PTPRR: variants seen among roughly 807,000 people sequenced by gnomAD.
PTPRR encodes receptor-type tyrosine-protein phosphatase R.
A neutral mutation model predicts 77.2 loss-of-function variants in PTPRR; 38 were observed. The ratio of observed to expected loss-of-function variants is 0.49; its 90% CI spans 0.38 to 0.65. PTPRR has a LOEUF of 0.65. PTPRR is among the 30% of genes least tolerant of loss of function. The pLI is 0.00. For missense variants in PTPRR, 744 were observed against 799.2 expected, an observed-to-expected ratio of 0.93 and a Z score of 0.83; for synonymous variants, 299 against 283.1, an observed-to-expected ratio of 1.06 and a Z score of -0.57.
chr12:70,722,937 A>G (rs554719481), intron 6 of PTPRR, among the ~76,000 whole-genome samples: 1 of 152,352 alleles, frequency 6.6e-6, no homozygotes, highest in Admixed American at 6.5e-5. Flanking sequence ...AGTCCCTGAA[A>G]AAGATTCTTG....
chr12:70,799,936 G>C (rs987862369), intron 2 of PTPRR, among the ~76,000 whole-genome samples: 2 of 151,958 alleles, frequency 1.3e-5, no homozygotes, highest in African/African-American at 4.8e-5. Context: ...ATATTATAAC[G>C]GTGATTCAGA....
At chr12:70,909,100 G>A (rs752705771) in intron 1 of PTPRR, among the ~76,000 whole-genome samples, 19 of 152,142 alleles carry the variant, frequency 1.2e-4, no homozygotes, top group South Asian at 4.1e-4. Flanking sequence ...CCTGAGGGGC[G>A]CTGCCAGCAG....
intron 6 of PTPRR, among the ~76,000 whole-genome samples, chr12:70,723,212 A>C (rs1412837077): frequency 6.6e-6 from 1 of 152,208 alleles, no homozygotes; most frequent in Non-Finnish European, 1.5e-5. Context: ...ACAAGTTAAA[A>C]ACCAGTAGCA....
At chr12:70,754,479 T>C (rs1890507038) in intron 4 of PTPRR, 178 bp from the exon 5 acceptor site, 12 of 1,558,544 alleles carry the variant, frequency 7.7e-6, no homozygotes, top group Admixed American at 4.0e-5. Flanking sequence ...GCCATCCTTA[T>C]ATATCGAGAT....
In PTPRR at chr12:70,823,108, G is replaced by GACACACACACACAC. The variant is rs58549756; in HGVS notation, c.358-58344_358-58331dup. Among the ~76,000 whole-genome samples, 110 of 139,670 alleles carry GACACACACACACAC rather than the reference G, an allele frequency of 7.9e-4. 2 individuals carry two copies. Among genetic ancestry groups the GACACACACACACAC allele is most frequent in the African/African-American group, 2.3e-3 (82 of 36,080 alleles). 91.6% of individuals were successfully genotyped at this position (139,670 alleles called of 152,430 possible). The stretch of plus-strand genomic sequence containing the variant: ...CTTCTCTCTTGCTGTCTCTCTCTCT[G>GACACACACACACAC]ACACACACACACACACACACACACA... On this transcript the variant is annotated intron_variant, in intron 2 of 13. Coordinates refer to ENST00000283228, the MANE Select transcript of PTPRR (RefSeq NM_002849.4).
At chr12:70,677,058 T>C (rs555802289) in intron 10 of PTPRR, among the ~76,000 whole-genome samples, 1 of 152,242 alleles carries the variant, frequency 6.6e-6, no homozygotes, top group East Asian at 1.9e-4. Flanking sequence ...ACACAGGATA[T>C]ATTTCTGTTT....
chr12:70,786,894 G>T (rs1457443734), intron 2 of PTPRR, among the ~76,000 whole-genome samples: 2 of 152,128 alleles, frequency 1.3e-5, no homozygotes, highest in Middle Eastern at 3.2e-3. Context: ...TGTCATGGGG[G>T]AATTAATAAT....
chr12:70,663,163 C>T (rs142345915), intron 10 of PTPRR, among the ~76,000 whole-genome samples: 5 of 152,072 alleles, frequency 3.3e-5, no homozygotes, highest in African/African-American at 7.2e-5. Flanking sequence ...TATATTTTCC[C>T]GGACCAACAG....
chr12:70,751,481 T>C (rs1458534729), intron 5 of PTPRR, among the ~76,000 whole-genome samples: 2 of 152,152 alleles, frequency 1.3e-5, no homozygotes, highest in Admixed American at 1.3e-4. Flanking sequence ...CAGCAGATCA[T>C]ATCAAGGCTC....
chr12:70,729,381 C>T (rs1889575871), intron 6 of PTPRR, among the ~76,000 whole-genome samples: 1 of 151,886 alleles, frequency 6.6e-6, no homozygotes, highest in Admixed American at 6.6e-5. Flanking sequence ...TCATCTTTCC[C>T]CAACCCTGGA....
At chr12:70,765,764 C>G (rs1031583358) in intron 2 of PTPRR, among the ~76,000 whole-genome samples, 27 of 152,210 alleles carry the variant, frequency 1.8e-4, no homozygotes, top group African/African-American at 3.4e-4. Context: ...GGCACCCCCC[C>G]AGAAGGGGCA....
chr12:70,818,487 G>C (rs981012348), intron 2 of PTPRR, among the ~76,000 whole-genome samples: 1 of 152,056 alleles, frequency 6.6e-6, no homozygotes, highest in South Asian at 2.1e-4. Flanking sequence ...AAATTATTTA[G>C]AATCTAATAT....
chr12:70,889,076 A>C (rs1272664939), intron 2 of PTPRR, among the ~76,000 whole-genome samples: 1 of 152,132 alleles, frequency 6.6e-6, no homozygotes, highest in African/African-American at 2.4e-5. Context: ...TGAACCAATA[A>C]ATTTTCTCCA....
intron 2 of PTPRR, among the ~76,000 whole-genome samples, chr12:70,830,671 A>C (rs145531589): frequency 6.6e-6 from 1 of 152,372 alleles, no homozygotes; most frequent in Non-Finnish European, 1.5e-5. Context: ...GCACCTCTGC[A>C]TCGGAAACAC....
intron 2 of PTPRR, among the ~76,000 whole-genome samples, chr12:70,765,988 G>A (rs1425044676): frequency 6.6e-6 from 1 of 152,136 alleles, no homozygotes; most frequent in Non-Finnish European, 1.5e-5. Flanking sequence ...AAACAGAAAG[G>A]ACATCCACAC....
chr12:70,838,493 AC>A (rs2137057343), intron 2 of PTPRR, among the ~76,000 whole-genome samples: 1 of 152,348 alleles, frequency 6.6e-6, no homozygotes, highest in African/African-American at 2.4e-5. Flanking sequence ...GATTTGCATC[AC>A]AGGTCATTGA....
chr12:70,851,345 T>C (rs1299889502), intron 2 of PTPRR, among the ~76,000 whole-genome samples: 2 of 152,174 alleles, frequency 1.3e-5, no homozygotes, highest in Non-Finnish European at 2.9e-5. Flanking sequence ...GATGATGGAA[T>C]ATTCTAAAAG....
chr12:70,735,301 G>A (rs1016714100), intron 6 of PTPRR, among the ~76,000 whole-genome samples: 9 of 152,320 alleles, frequency 5.9e-5, no homozygotes, highest in African/African-American at 1.9e-4. Flanking sequence ...AGGAAAAAGA[G>A]GTTTAATGGA....
chr12:70,822,868 A>C (rs1219365730), intron 2 of PTPRR, among the ~76,000 whole-genome samples: 1 of 152,066 alleles, frequency 6.6e-6, no homozygotes, highest in Non-Finnish European at 1.5e-5. Flanking sequence ...TTAGAGCGTA[A>C]TGTTAATAAA....
Sources: allele counts gnomAD v4.1 joint callset (sites outside exome capture counted in the v4.1 genomes callset), GRCh38; gene constraint gnomAD v4.1.1; transcripts MANE v1.5; gene names NCBI Gene and HGNC (gene_info 2026-07-23, HGNC 2026-07-21).